Variants in RASEF observed in about 807,000 individuals in gnomAD.
The protein encoded by RASEF is ras and EF-hand domain-containing protein.
In RASEF, 68 loss-of-function variants were observed where a neutral mutation model predicts 90.1. The ratio of observed to expected loss-of-function variants is 0.75; its 90% CI spans 0.62 to 0.92. The LOEUF is 0.92. RASEF is among the 40% of genes least tolerant of loss of function. The pLI is 0.00. For synonymous variants in RASEF, 331 were observed against 345.2 expected (o/e 0.96, Z 0.46); for missense variants, 949 against 937.2 (o/e 1.01, Z -0.16).
At chr9:83,046,284 A>G (rs1434472634) in intron 1 of RASEF, among the ~76,000 whole-genome samples, 4 of 152,044 alleles carry the variant, frequency 2.6e-5, no homozygotes, top group Non-Finnish European at 5.9e-5. Flanking sequence ...ATCTCGCATG[A>G]CTTTTTTTAC....
At chr9:83,213,592 A>G in the RASEF span, among the ~76,000 whole-genome samples, 4 of 151,656 alleles carry the variant, frequency 2.6e-5, no homozygotes, top group African/African-American at 4.9e-5. Flanking sequence ...GATGGATAAA[A>G]CTCTCCTCAT....
rs7849126 is a variant in RASEF, at chr9:82,982,217, C to T, written c.*460G>A. 0.51 allele frequency: 78,833 copies of T among 153,250 alleles called. 20,681 individuals are homozygous for T. Among genetic ancestry groups the T allele is most frequent in the East Asian group, 0.77 (4,034 of 5,220 alleles). 9.5% of individuals were successfully genotyped at this position (153,250 alleles called of 1,614,324 possible). A position where few individuals can be genotyped will look rare whatever the true frequency, so the allele number is the denominator to read the frequency against. On this transcript the variant is annotated 3_prime_UTR_variant, in exon 17 of 17. Transcript: ENST00000376447. ...AAACAGATCCGACATGGGCTTGTGACATGTCCAAGGTCACAAGGCCAGTTA... is the reference window on the plus strand; with the variant it reads ...AAACAGATCCGACATGGGCTTGTGATATGTCCAAGGTCACAAGGCCAGTTA...
the RASEF span, among the ~76,000 whole-genome samples, chr9:83,068,309 T>C: frequency 6.6e-6 from 1 of 152,240 alleles, no homozygotes; most frequent in Non-Finnish European, 1.5e-5. Flanking sequence ...TTCCCACCCC[T>C]TGGTGTACAT....
the RASEF span, among the ~76,000 whole-genome samples, chr9:83,179,391 C>T: frequency 6.6e-6 from 1 of 152,170 alleles, no homozygotes; most frequent in Admixed American, 6.5e-5. Flanking sequence ...CACTAAAGTA[C>T]ATTTTATGGT....
Position 82,982,493 on chromosome 9 carries a change from A to G in RASEF, c.*184T>C, listed in dbSNP as rs933205531. 6.0e-5 allele frequency: 32 copies of G among 531,574 alleles called. No individual in the cohort carries two copies. The African/African-American group carries it at 6.1e-4, about 10-fold the overall frequency. The allele number at this position is 531,574 out of a possible 1,614,324, so 32.9% of individuals were successfully genotyped here. ...TTTAGCCAGAGGGCCCAAATCACTCACTGAGACAAAACAAAGAAGAGCCAA... is the reference window on the plus strand; with the variant it reads ...TTTAGCCAGAGGGCCCAAATCACTCGCTGAGACAAAACAAAGAAGAGCCAA... On this transcript the variant is annotated 3_prime_UTR_variant, in exon 17 of 17. Coordinates refer to ENST00000376447, the MANE Select transcript of RASEF (RefSeq NM_152573.4).
chr9:83,142,525 G>A, the RASEF span, among the ~76,000 whole-genome samples: 1 of 152,206 alleles, frequency 6.6e-6, no homozygotes, highest in Admixed American at 6.5e-5. Context: ...ACTATCTTCA[G>A]TGACAGGCAA....
At chr9:83,115,263 G>T in the RASEF span, among the ~76,000 whole-genome samples, 1 of 152,116 alleles carries the variant, frequency 6.6e-6, no homozygotes, top group Non-Finnish European at 1.5e-5. Context: ...TATCTAGATA[G>T]TAAAGAATGT....
the RASEF span, among the ~76,000 whole-genome samples, chr9:83,117,487 T>G: frequency 6.6e-6 from 1 of 152,320 alleles, no homozygotes; most frequent in East Asian, 1.9e-4. Flanking sequence ...CCATTAAGGT[T>G]CTTTCTAGAT....
At chr9:83,207,664 G>C in the RASEF span, among the ~76,000 whole-genome samples, 1 of 146,236 alleles carries the variant, frequency 6.8e-6, no homozygotes, top group Admixed American at 7.0e-5. Context: ...GTGGAGCGCA[G>C]TGGCGCAATC....
At chr9:83,063,232 T>A (rs1830250316), upstream of RASEF, 1 of 239,550 alleles carries the variant, frequency 4.2e-6, no homozygotes, top group African/African-American at 2.3e-5. Context: ...CCACCGCTTC[T>A]CCAGTTCCCA....
intron 3 of RASEF, among the ~76,000 whole-genome samples, chr9:83,019,833 A>G (rs4877244): frequency 0.5 from 75,397 of 152,100 alleles, 18,875 homozygotes; most frequent in East Asian, 0.73. Flanking sequence ...CATATATTGC[A>G]TGATTCCACT....
At chr9:83,000,609 G>A in intron 10 of RASEF, 39 bp from the exon 11 acceptor site, 2 of 1,555,790 alleles carry the variant, frequency 1.3e-6, no homozygotes, top group Non-Finnish European at 1.7e-6. Flanking sequence ...ATTAAAAAAT[G>A]TCAGCAGTTA....
At chr9:83,093,553 C>A in the RASEF span, among the ~76,000 whole-genome samples, 5 of 152,276 alleles carry the variant, frequency 3.3e-5, no homozygotes, top group South Asian at 8.3e-4. Flanking sequence ...CTAAGCCCCT[C>A]ATTGCCCAGG....
chr9:83,018,377 T>C (rs1163424382), intron 3 of RASEF, among the ~76,000 whole-genome samples: 1 of 152,104 alleles, frequency 6.6e-6, no homozygotes, highest in Non-Finnish European at 1.5e-5. Context: ...TACAGTATCA[T>C]CAAACTATGA....
At chr9:83,014,932 C>G (rs1829317162) in intron 4 of RASEF, among the ~76,000 whole-genome samples, 1 of 152,184 alleles carries the variant, frequency 6.6e-6, no homozygotes, top group Non-Finnish European at 1.5e-5. Context: ...AGTAAAACAA[C>G]CTGCTCATTA....
At position 83,004,351 on chromosome 9, in the gene RASEF, T is replaced by G. The variant is rs1237328216; in HGVS notation, c.1202+147A>C. On this transcript the variant is annotated intron_variant, in intron 9 of 16. Coordinates refer to ENST00000376447, the MANE Select transcript of RASEF (RefSeq NM_152573.4). ...TGAAACACTTTTAATTTTTACATGA[T>G]TCATGTTTCAGAACTTTTAACATCA... 2.3e-5 allele frequency: 13 copies of G among 553,712 alleles called. No individual in the cohort carries two copies. In the Admixed American group the frequency reaches 3.3e-4, roughly 14 times the overall value. The allele number at this position is 553,712 out of a possible 1,614,324, so 34.3% of individuals were successfully genotyped here.
the RASEF span, among the ~76,000 whole-genome samples, chr9:83,133,582 T>G: frequency 4.6e-5 from 7 of 152,092 alleles, no homozygotes; most frequent in Non-Finnish European, 1.0e-4. Flanking sequence ...TCTAGCCCCT[T>G]TACCTAAAGT....
chr9:83,103,175 G>C, the RASEF span, among the ~76,000 whole-genome samples: 1 of 152,182 alleles, frequency 6.6e-6, no homozygotes, highest in South Asian at 2.1e-4. Flanking sequence ...AAAGCTGAGT[G>C]AAGTGTTTGT....
At chr9:83,144,391 GGAAAGAAAGAAAGAAAGAAAGAA>G in the RASEF span, among the ~76,000 whole-genome samples, 1 of 33,220 alleles carries the variant, frequency 3.0e-5, no homozygotes, top group African/African-American at 1.0e-4. Flanking sequence ...AAGAAAGAAA[GGAAAGAAAGAAAGAAAGAAAGAA>G]AGAAAAGAAA....
Sources: gnomAD v4.1 joint callset for allele counts (sites outside exome capture counted in the v4.1 genomes callset) on GRCh38, gnomAD v4.1.1 for gene constraint, MANE v1.5 for transcripts, NCBI Gene and HGNC (gene_info 2026-07-23, HGNC 2026-07-21) for gene names.